Variants in ZCCHC4 observed in about 807,000 individuals in gnomAD.
ZCCHC4 encodes zinc finger CCHC-type containing 4, also known as rRNA N(6)-adenosine-methyltransferase ZCCHC4.
A neutral mutation model predicts 67.7 loss-of-function variants in ZCCHC4; 54 were observed. The ratio of observed to expected loss-of-function variants is 0.80; its 90% CI spans 0.64 to 1.00. The LOEUF is 1.00. ZCCHC4 is among the 50% of genes least tolerant of loss of function. The pLI, the probability that ZCCHC4 is intolerant of heterozygous loss-of-function variation, is 0.00. For synonymous variants in ZCCHC4, 198 were observed against 213.5 expected (o/e 0.93, Z 0.63); for missense variants, 609 against 617.0 (o/e 0.99, Z 0.14).
Position 25,347,028 on chromosome 4 carries a change from G to A in ZCCHC4, c.759+1408G>A, listed in dbSNP as rs79198069. On this transcript the variant is annotated intron_variant, in intron 6 of 12. Coordinates refer to ENST00000302874, the MANE Select transcript of ZCCHC4 (RefSeq NM_024936.3). ...TTCTAACAGAGGGAAGTGAAGTTTG[G>A]AAAGGTTGAGTTTGTGGGGTTGGTA... 6.3e-3 allele frequency among the ~76,000 whole-genome samples: 955 copies of A among 152,310 alleles called. 8 individuals carry two copies. Among genetic ancestry groups the A allele is most frequent in the African/African-American group, 0.022 (894 of 41,566 alleles).
intron 8 of ZCCHC4, among the ~76,000 whole-genome samples, chr4:25,352,971 G>A (rs1720370205): frequency 6.6e-6 from 1 of 152,194 alleles, no homozygotes; most frequent in Non-Finnish European, 1.5e-5. Context: ...TACTTTCAAA[G>A]TGTTCACTTT....
At position 25,359,226 on chromosome 4, in the gene ZCCHC4, T is replaced by C. The variant is rs1264615528; in HGVS notation, c.1012-2633T>C. On this transcript the variant is annotated intron_variant, in intron 8 of 12. Coordinates refer to ENST00000302874, the MANE Select transcript of ZCCHC4 (RefSeq NM_024936.3). This position sits in a 1 kb window ranked among gnomAD's most constrained non-coding sequence, Gnocchi z 4.9. ...TGCAGAGCACTGAGAAGGAATGAGCTTTTGCCAGCAGAGTTGGATGGGCAT... is the reference window on the plus strand; with the variant it reads ...TGCAGAGCACTGAGAAGGAATGAGCCTTTGCCAGCAGAGTTGGATGGGCAT... Among the ~76,000 whole-genome samples, 5 of 152,066 alleles carry C rather than the reference T, an allele frequency of 3.3e-5. No homozygotes were observed. The highest frequency in any genetic ancestry group is 7.4e-5 in the Non-Finnish European group (5 of 68,022).
At chr4:25,321,584 G>T (rs1350398091) in intron 3 of ZCCHC4, among the ~76,000 whole-genome samples, 4 of 152,052 alleles carry the variant, frequency 2.6e-5, no homozygotes, top group Non-Finnish European at 5.9e-5. Flanking sequence ...TGTTGGCCAG[G>T]CTGGTCTTGA....
chr4:25,340,847 TA>T (rs2109072732), intron 5 of ZCCHC4, among the ~76,000 whole-genome samples: 1 of 152,348 alleles, frequency 6.6e-6, no homozygotes, highest in African/African-American at 2.4e-5. Context: ...AACCATTGAA[TA>T]ACATGGTTTT....
intron 8 of ZCCHC4, chr4:25,352,594 T>A (rs1187102163): frequency 3.4e-5 from 6 of 175,140 alleles, no homozygotes; most frequent in Non-Finnish European, 6.7e-5. Flanking sequence ...CCCTGTATTT[T>A]TAGTAGAGAC....
At chr4:25,318,505 C>T (rs991523573) in intron 3 of ZCCHC4, among the ~76,000 whole-genome samples, 4 of 151,840 alleles carry the variant, frequency 2.6e-5, no homozygotes, top group African/African-American at 9.7e-5. Flanking sequence ...CAGGCACCTG[C>T]CACCATGCCC....
At chr4:25,364,537 A>C in intron 11 of ZCCHC4, 32 bp downstream of exon 11, 1 of 1,509,220 alleles carries the variant, frequency 6.6e-7, no homozygotes, top group Non-Finnish European at 8.9e-7. Flanking sequence ...TTGAGATCCT[A>C]TGAACATATT....
chr4:25,353,021 G>A (rs188127134), intron 8 of ZCCHC4, among the ~76,000 whole-genome samples: 4 of 152,164 alleles, frequency 2.6e-5, no homozygotes, highest in East Asian at 3.9e-4. Flanking sequence ...GTTTGTAATC[G>A]TAGAAGACAA....
At chr4:25,330,311 C>T (rs1719113551) in intron 3 of ZCCHC4, among the ~76,000 whole-genome samples, 1 of 151,954 alleles carries the variant, frequency 6.6e-6, no homozygotes, top group Admixed American at 6.6e-5. Flanking sequence ...TTCTTCTAAT[C>T]ATGAGTCATG....
At chr4:25,336,765 G>C (rs145777324) in intron 5 of ZCCHC4, among the ~76,000 whole-genome samples, 2 of 152,210 alleles carry the variant, frequency 1.3e-5, no homozygotes, top group Non-Finnish European at 2.9e-5. Flanking sequence ...GGAATTACAG[G>C]TGTGAAACAC....
At chr4:25,322,853 A>T (rs1231740030) in intron 3 of ZCCHC4, among the ~76,000 whole-genome samples, 2 of 152,164 alleles carry the variant, frequency 1.3e-5, no homozygotes, top group Non-Finnish European at 2.9e-5. Flanking sequence ...ATTTTATGGT[A>T]CCTGAATTGT....
At chr4:25,355,950 T>C (rs1433248028) in intron 8 of ZCCHC4, among the ~76,000 whole-genome samples, 1 of 152,178 alleles carries the variant, frequency 6.6e-6, no homozygotes, top group African/African-American at 2.4e-5. Context: ...CTTAGGGAGT[T>C]ACAGAAATGC....
chr4:25,349,952 G>T (rs1720210576), intron 7 of ZCCHC4, among the ~76,000 whole-genome samples: 1 of 152,138 alleles, frequency 6.6e-6, no homozygotes. Flanking sequence ...AGTGGCCACT[G>T]TGTGCCAGGC....
chr4:25,331,336 A>G (rs1477533687), intron 3 of ZCCHC4, among the ~76,000 whole-genome samples: 1 of 151,984 alleles, frequency 6.6e-6, no homozygotes, highest in Non-Finnish European at 1.5e-5. Context: ...ACAGAGCCTC[A>G]CTCTGTTGCC....
intron 5 of ZCCHC4, among the ~76,000 whole-genome samples, chr4:25,334,941 G>A (rs757624857): frequency 2.0e-5 from 3 of 151,762 alleles, no homozygotes; most frequent in Non-Finnish European, 2.9e-5. Flanking sequence ...GGGGTCAGGC[G>A]ATCCTCTAAC....
At chr4:25,318,349 CTTTTTT>C (rs528144406) in intron 3 of ZCCHC4, among the ~76,000 whole-genome samples, 2 of 45,508 alleles carry the variant, frequency 4.4e-5, no homozygotes, top group African/African-American at 2.0e-4. Context: ...CACTCTCTCT[CTTTTTT>C]TTTTTTTTTT....
chr4:25,338,687 A>G (rs1199676355), intron 5 of ZCCHC4, among the ~76,000 whole-genome samples: 2 of 152,232 alleles, frequency 1.3e-5, no homozygotes, highest in African/African-American at 2.4e-5. Flanking sequence ...TTCACTTAGC[A>G]TAAAGTTTTT....
Position 25,314,159 on chromosome 4 carries a change from G to T in ZCCHC4, c.241G>T (p.Glu81Ter), listed in dbSNP as rs1000134812. The change falls in exon 2 of 13, where the codon GAA becomes TAA. Residue 81 changes from glutamate (E) to a stop codon, truncating the protein, a stop_gained. Transcript: ENST00000302874. LOFTEE classifies it high-confidence loss of function. ...KDCNFFQWED[E>*]KLSGARLAAR... ...CTGTAATTTTTTTCAGTGGGAAGAT[G>T]AAAAGGTATATCAACTTTTTGGATA... is the stretch of plus-strand genomic sequence containing the variant. The T allele has an allele frequency of 6.3e-7, 1 of 1,578,778 alleles. No individual in the cohort carries two copies. Among genetic ancestry groups the T allele is most frequent in the Admixed American group, 1.9e-5 (1 of 51,818 alleles).
At position 25,333,456 on chromosome 4, in the gene ZCCHC4, A is replaced by G; in HGVS notation, c.603A>G (p.Pro201=). The G allele has an allele frequency of 6.2e-7, 1 of 1,613,458 alleles. No individual in the cohort carries two copies. The highest frequency in any genetic ancestry group is 1.1e-5 in the South Asian group (1 of 90,988). ...GFRRVLCVGT[P]RLHELIKLTA... ...GAAGAGTACTGTGTGTTGGAACACC[A>G]AGGTATGTCATGTGATTTTTTAAAG... Residue 201 remains proline (P), a splice_region_variant and synonymous_variant, in exon 4 of 13, where the codon CCA becomes CCG. Transcript: ENST00000302874.
Sources: allele counts gnomAD v4.1 joint callset (sites outside exome capture counted in the v4.1 genomes callset), GRCh38; gene constraint gnomAD v4.1.1; non-coding constraint Gnocchi (gnomAD v3.1); transcripts MANE v1.5; gene names NCBI Gene and HGNC (gene_info 2026-07-23, HGNC 2026-07-21).